ATRNL1: variants seen among roughly 807,000 people sequenced by gnomAD.
ATRNL1 encodes the protein attractin like 1, also known as attractin-like protein 1.
ATRNL1 carries 95 observed loss-of-function variants against 182.7 expected under a neutral mutation model. The observed-to-expected ratio is 0.52, with a 90% CI of 0.44 to 0.62. ATRNL1 has a LOEUF of 0.62. Ranked by LOEUF, ATRNL1 falls within the 20% of genes least tolerant of loss-of-function variation. ATRNL1 has a pLI of 0.00. For missense variants in ATRNL1, 1,471 were observed against 1,679.5 expected (o/e 0.88, Z 2.17); for synonymous variants, 576 against 568.3 (o/e 1.01, Z -0.19).
intron 19 of ATRNL1, among the ~76,000 whole-genome samples, chr10:115,342,427 A>G (rs1222532484): frequency 6.6e-6 from 1 of 152,132 alleles, no homozygotes; most frequent in Non-Finnish European, 1.5e-5. Flanking sequence ...ACCTAATAAC[A>G]ACTTGACACT....
At chr10:115,455,652 A>T (rs186661843) in intron 21 of ATRNL1, among the ~76,000 whole-genome samples, 57 of 152,304 alleles carry the variant, frequency 3.7e-4, no homozygotes, top group African/African-American at 1.3e-3. Flanking sequence ...AATTAAACCA[A>T]AGAGCTTCTG....
chr10:115,185,917 T>C (rs577335969), intron 8 of ATRNL1, among the ~76,000 whole-genome samples: 1 of 152,172 alleles, frequency 6.6e-6, no homozygotes, highest in East Asian at 1.9e-4. Context: ...GCAAACCAGT[T>C]CTGTAAAAGT....
At chr10:115,386,819 C>T (rs1484190519) in intron 19 of ATRNL1, among the ~76,000 whole-genome samples, 1 of 107,570 alleles carries the variant, frequency 9.3e-6, no homozygotes, top group Admixed American at 1.1e-4. Context: ...CCCCCCTCCC[C>T]CCACCCCACA....
At chr10:115,792,988 T>G (rs1364248966) in intron 27 of ATRNL1, among the ~76,000 whole-genome samples, 1 of 152,046 alleles carries the variant, frequency 6.6e-6, no homozygotes, top group Non-Finnish European at 1.5e-5. Context: ...TAAGTAGTAT[T>G]TGGAAGAATA....
intron 9 of ATRNL1, among the ~76,000 whole-genome samples, chr10:115,223,646 G>A (rs1346941378): frequency 1.3e-5 from 2 of 151,730 alleles, no homozygotes; most frequent in Non-Finnish European, 2.9e-5. Flanking sequence ...ATATTTGAGA[G>A]CATAATACCT....
intron 28 of ATRNL1, among the ~76,000 whole-genome samples, chr10:115,931,878 G>T (rs1317044599): frequency 6.6e-6 from 1 of 152,106 alleles, no homozygotes; most frequent in African/African-American, 2.4e-5. Flanking sequence ...AGGGATTGTG[G>T]AACCGGTCTA....
chr10:115,748,071 G>A (rs532059862), intron 27 of ATRNL1, among the ~76,000 whole-genome samples: 8 of 152,006 alleles, frequency 5.3e-5, no homozygotes, highest in Non-Finnish European at 8.8e-5. Flanking sequence ...TAGCAAGAGC[G>A]ACATATTCTT....
At chr10:115,330,427 G>A (rs1392625972) in intron 18 of ATRNL1, among the ~76,000 whole-genome samples, 10 of 151,590 alleles carry the variant, frequency 6.6e-5, no homozygotes, top group Non-Finnish European at 1.3e-4. Flanking sequence ...TTTTCTTTTT[G>A]TTCGAACAAC....
chr10:115,573,384 A>T (rs1854521371), intron 26 of ATRNL1, among the ~76,000 whole-genome samples: 1 of 150,266 alleles, frequency 6.7e-6, no homozygotes, highest in South Asian at 2.1e-4. Context: ...TTGCCTCCTC[A>T]TCAATGTCCT....
At chr10:115,730,295 G>GAA (rs1947757513) in intron 27 of ATRNL1, among the ~76,000 whole-genome samples, 1 of 136,638 alleles carries the variant, frequency 7.3e-6, no homozygotes, top group African/African-American at 2.7e-5. Flanking sequence ...GAGAGAGAGA[G>GAA]AAACTTTGTA....
chr10:115,375,383 G>C (rs575091342), intron 19 of ATRNL1, among the ~76,000 whole-genome samples: 1 of 151,718 alleles, frequency 6.6e-6, no homozygotes, highest in African/African-American at 2.4e-5. Context: ...GTCTCTTATA[G>C]GGAGTCTATT....
At chr10:115,339,136 AC>A (rs781889685) in intron 19 of ATRNL1, among the ~76,000 whole-genome samples, 10 of 152,046 alleles carry the variant, frequency 6.6e-5, no homozygotes, top group Non-Finnish European at 1.3e-4. Context: ...TCCTTAGTAT[AC>A]CTTGAAGTCA....
intron 8 of ATRNL1, among the ~76,000 whole-genome samples, chr10:115,184,896 G>A (rs1439016610): frequency 1.3e-5 from 2 of 151,932 alleles, no homozygotes; most frequent in African/African-American, 4.8e-5. Context: ...GTTTAGATGC[G>A]AAGAAGGACT....
At chr10:115,675,684 C>T (rs186278147) in intron 26 of ATRNL1, among the ~76,000 whole-genome samples, 12 of 152,186 alleles carry the variant, frequency 7.9e-5, no homozygotes, top group Admixed American at 6.6e-5. Context: ...GACTTCTACT[C>T]GGGTACCCAC....
At chr10:115,879,918 G>A (rs1555108167) in intron 28 of ATRNL1, among the ~76,000 whole-genome samples, 1 of 152,030 alleles carries the variant, frequency 6.6e-6, no homozygotes, top group African/African-American at 2.4e-5. Context: ...GGGTCAGGGT[G>A]GGGCAGTAAA....
intron 26 of ATRNL1, among the ~76,000 whole-genome samples, chr10:115,675,114 G>C (rs557431127): frequency 3.3e-4 from 50 of 152,250 alleles, no homozygotes; most frequent in African/African-American, 1.2e-3. Context: ...GCACATGGTG[G>C]CTCATGCCTG....
chr10:115,398,002 G>T (rs1554956040), intron 20 of ATRNL1, among the ~76,000 whole-genome samples: 1 of 151,896 alleles, frequency 6.6e-6, no homozygotes, highest in African/African-American at 2.4e-5. Context: ...GATCAGCTAG[G>T]GTAGTTGATA....
chr10:115,631,000 T>C (rs921046666), intron 26 of ATRNL1, among the ~76,000 whole-genome samples: 1 of 151,352 alleles, frequency 6.6e-6, no homozygotes, highest in African/African-American at 2.4e-5. Flanking sequence ...ATCTTACTTA[T>C]ATGTGGAAAG....
chr10:115,680,082 C>G (rs1402865986), intron 26 of ATRNL1, among the ~76,000 whole-genome samples: 1 of 152,094 alleles, frequency 6.6e-6, no homozygotes, highest in Non-Finnish European at 1.5e-5. Context: ...TTCTCATAAT[C>G]TGCCTGCTAA....
Sources: gnomAD v4.1 joint callset for allele counts (sites outside exome capture counted in the v4.1 genomes callset) on GRCh38, gnomAD v4.1.1 for gene constraint, MANE v1.5 for transcripts, NCBI Gene and HGNC (gene_info 2026-07-23, HGNC 2026-07-21) for gene names.